The following ZNF90 variants were observed in gnomAD, a reference collection of about 807,000 sequenced individuals.
ZNF90 encodes the protein zinc finger protein HTF9.
In ZNF90, 11 loss-of-function variants were observed where a neutral mutation model predicts 12.0. That is an observed-to-expected ratio of 0.92 (90% confidence interval 0.58 to 1.52). The LOEUF (loss-of-function observed/expected upper bound fraction) is 1.52, where lower values mean the gene tolerates loss of function less well. Among genes scored for constraint, ZNF90 ranks in the 40% most tolerant of loss-of-function variants. The pLI, the probability that ZNF90 is intolerant of heterozygous loss-of-function variation, is 0.00. For synonymous variants in ZNF90, 232 were observed against 240.1 expected (o/e 0.97, Z 0.31); for missense variants, 765 against 711.5 (o/e 1.08, Z -0.86).
chr19:20,079,937 C>CTCT, intron 1 of ZNF90: 3 of 322,750 alleles, frequency 9.3e-6, no homozygotes, highest in Non-Finnish European at 1.2e-5. Context: ...CGTATTTCCT[C>CTCT]TTTTTTTTTT....
At chr19:20,103,624 T>C (rs1251230792) in intron 1 of ZNF90, among the ~76,000 whole-genome samples, 2 of 152,240 alleles carry the variant, frequency 1.3e-5, no homozygotes, top group African/African-American at 2.4e-5. Context: ...GCAGCTGTCC[T>C]TTTTTCTTAT....
intron 1 of ZNF90, among the ~76,000 whole-genome samples, chr19:20,080,786 A>G (rs1288033966): frequency 6.6e-6 from 1 of 152,120 alleles, no homozygotes; most frequent in Non-Finnish European, 1.5e-5. Context: ...GGGACTGAGC[A>G]CTGAAACGGG....
chr19:20,116,393 C>A (rs1027503387), intron 3 of ZNF90, among the ~76,000 whole-genome samples: 5 of 152,202 alleles, frequency 3.3e-5, no homozygotes, highest in Non-Finnish European at 5.9e-5. Context: ...TGGTCTCATA[C>A]TCCTGACCTC....
chr19:20,108,731 C>CTTTT lies in ZNF90; in HGVS notation c.226+3430_226+3433dup, dbSNP rs10626180. On this transcript the variant is annotated intron_variant, in intron 3 of 3. Coordinates refer to ENST00000418063, the MANE Select transcript of ZNF90 (RefSeq NM_007138.2). The stretch of plus-strand genomic sequence containing the variant: ...GTGTGTTTCTTCAGTGTAGGTTTCT[C>CTTTT]TTTTTTTTTTTTTTTTTTGAGATGG... Among the ~76,000 whole-genome samples, 199 of 119,888 alleles carry CTTTT rather than the reference C, an allele frequency of 1.7e-3. 4 individuals carry two copies. Among genetic ancestry groups the CTTTT allele is most frequent in the Non-Finnish European group, 2.0e-3 (120 of 60,724 alleles). 78.7% of individuals were successfully genotyped at this position (119,888 alleles called of 152,430 possible). A position where few individuals can be genotyped will look rare whatever the true frequency, so the allele number is the denominator to read the frequency against.
Position 20,118,805 on chromosome 19 carries a change from A to G in ZNF90, c.1251A>G (p.Ile417Met). 8 of 1,604,616 alleles carry G rather than the reference A, an allele frequency of 5.0e-6. No individual in the cohort carries two copies. Among genetic ancestry groups the G allele is most frequent in the Non-Finnish European group, 6.8e-6 (8 of 1,175,280 alleles). Residue 417 changes from isoleucine to methionine, a missense_variant, in exon 4 of 4, where the codon ATA (isoleucine) becomes ATG (methionine). Coordinates refer to ENST00000418063, the MANE Select transcript of ZNF90 (RefSeq NM_007138.2). The stretch of plus-strand genomic sequence containing the variant: ...CCTCAACACTTACTATACATAAGAT[A>G]AGTCATACTGAAGAGAAACCCTACA... Reference protein sequence around the residue: ...KRSSTLTIHKISHTEEKPYKC... With the variant: ...KRSSTLTIHKMSHTEEKPYKC...
At chr19:20,100,378 CT>C (rs1555703724) in intron 1 of ZNF90, among the ~76,000 whole-genome samples, 1 of 152,206 alleles carries the variant, frequency 6.6e-6, no homozygotes, top group Non-Finnish European at 1.5e-5. Flanking sequence ...AAATAATCCC[CT>C]GCACTGCAGG....
At chr19:20,079,339 A>G in intron 1 of ZNF90, among the ~76,000 whole-genome samples, 1 of 148,966 alleles carries the variant, frequency 6.7e-6, no homozygotes, top group Non-Finnish European at 1.5e-5. Context: ...GAGTTTGTCC[A>G]GGCAGATGCA....
intron 1 of ZNF90, among the ~76,000 whole-genome samples, chr19:20,078,935 C>T (rs2088799309): frequency 6.6e-6 from 1 of 152,000 alleles, no homozygotes; most frequent in Non-Finnish European, 1.5e-5. Context: ...GCCTATCCAA[C>T]GTGGTGAAAC....
intron 3 of ZNF90, among the ~76,000 whole-genome samples, chr19:20,111,984 G>T (rs1380728974): frequency 6.6e-6 from 1 of 151,568 alleles, no homozygotes; most frequent in Non-Finnish European, 1.5e-5. Flanking sequence ...TCAGCCTCCT[G>T]TGTAGCTGGG....
chr19:20,093,953 C>A (rs2088922770), intron 1 of ZNF90, among the ~76,000 whole-genome samples: 1 of 152,182 alleles, frequency 6.6e-6, no homozygotes, highest in Admixed American at 6.5e-5. Flanking sequence ...TTTAGGGGTT[C>A]TAGGAGTGGC....
At chr19:20,097,872 A>C (rs2088961107) in intron 1 of ZNF90, among the ~76,000 whole-genome samples, 1 of 152,256 alleles carries the variant, frequency 6.6e-6, no homozygotes, top group Non-Finnish European at 1.5e-5. Flanking sequence ...ACCCTAAACC[A>C]TAACAATATA....
intron 1 of ZNF90, among the ~76,000 whole-genome samples, chr19:20,086,269 C>CTCTTG (rs1221347912): frequency 7.6e-6 from 1 of 131,662 alleles, no homozygotes; most frequent in Non-Finnish European, 1.6e-5. Flanking sequence ...CAGAGTCTCA[C>CTCTTG]TCTTGCCCAG....
chr19:20,100,672 G>A (rs1288531105), intron 1 of ZNF90, among the ~76,000 whole-genome samples: 4 of 152,142 alleles, frequency 2.6e-5, no homozygotes, highest in Non-Finnish European at 5.9e-5. Flanking sequence ...ACAGCATTTG[G>A]GTTTTCCTCT....
intron 3 of ZNF90, among the ~76,000 whole-genome samples, chr19:20,108,593 C>T (rs1166240906): frequency 6.6e-6 from 1 of 152,166 alleles, no homozygotes; most frequent in African/African-American, 2.4e-5. Flanking sequence ...GCTGAGATTA[C>T]AGGCATGAGC....
intron 3 of ZNF90, among the ~76,000 whole-genome samples, chr19:20,108,677 C>T (rs1568289925): frequency 7.0e-6 from 1 of 143,388 alleles, no homozygotes; most frequent in South Asian, 2.2e-4. Flanking sequence ...AGTAAACATT[C>T]TTTTATTATT....
intron 1 of ZNF90, 40 bp from the exon 2 acceptor site, chr19:20,104,199 A>C (rs1179418988): frequency 1.2e-6 from 2 of 1,609,038 alleles, no homozygotes; most frequent in Non-Finnish European, 1.7e-6. Context: ...GCCCATGACC[A>C]CTTGGTAAAA....
At chr19:20,109,969 TGACA>T (rs1555704887) in intron 3 of ZNF90, among the ~76,000 whole-genome samples, 6 of 152,230 alleles carry the variant, frequency 3.9e-5, no homozygotes, top group Non-Finnish European at 8.8e-5. Context: ...CTCCAGCCCT[TGACA>T]GACAAACCTT....
intron 1 of ZNF90, among the ~76,000 whole-genome samples, chr19:20,083,161 C>G (rs111725639): frequency 0.019 from 2,900 of 151,840 alleles, 93 homozygotes; most frequent in African/African-American, 0.067. Flanking sequence ...GTGCCGGTGC[C>G]GGTCCTCCAT....
In ZNF90 at chr19:20,118,537, T is replaced by G. The variant is rs1555706057; in HGVS notation, c.983T>G (p.Leu328Arg). Residue 328 changes from leucine to arginine, a missense_variant, in exon 4 of 4, where the codon CTT becomes CGT. Coordinates refer to ENST00000418063, the MANE Select transcript of ZNF90 (RefSeq NM_007138.2). ...CGKAFKLSSI[L>R]STHKRIHTGE... is the part of the protein sequence containing the mutation. ...AAAGCCTTCAAGCTCTCCTCAATCC[T>G]TAGTACACATAAGAGAATCCATACT... is the stretch of plus-strand genomic sequence containing the variant. The G allele has an allele frequency of 7.4e-6, 12 of 1,613,242 alleles. No homozygotes were observed. The highest frequency in any genetic ancestry group is 8.5e-6 in the Non-Finnish European group (10 of 1,179,926).
Sources: allele counts gnomAD v4.1 joint callset (sites outside exome capture counted in the v4.1 genomes callset), GRCh38; gene constraint gnomAD v4.1.1; transcripts MANE v1.5; gene names NCBI Gene and HGNC (gene_info 2026-07-23, HGNC 2026-07-21).